Variants in NOVA1 observed in about 807,000 individuals in gnomAD.
NOVA1 encodes the protein RNA-binding protein Nova-1.
A neutral mutation model predicts 38.0 loss-of-function variants in NOVA1; 7 were observed. That is an observed-to-expected ratio of 0.18 (90% CI 0.10 to 0.35). NOVA1 has a LOEUF of 0.35. NOVA1 is among the 10% of genes least tolerant of loss of function. The pLI, the probability that NOVA1 is intolerant of heterozygous loss-of-function variation, is 1.00. For missense variants in NOVA1, 460 were observed against 616.0 expected (o/e 0.75, Z 2.68); for synonymous variants, 270 against 232.5 (o/e 1.16, Z -1.47).
At chr14:26,449,492 T>G (rs1434730329) in intron 4 of NOVA1, among the ~76,000 whole-genome samples, 1 of 152,160 alleles carries the variant, frequency 6.6e-6, no homozygotes, top group African/African-American at 2.4e-5. Flanking sequence ...ATTTTTTTGT[T>G]ATTAAAGATA....
chr14:26,477,055 T>C (rs1227136585), intron 3 of NOVA1, among the ~76,000 whole-genome samples: 2 of 152,240 alleles, frequency 1.3e-5, no homozygotes, highest in Non-Finnish European at 2.9e-5. Flanking sequence ...ACATTGTAGT[T>C]TTGGTATATA....
chr14:26,539,253 G>T (rs1168610678), intron 2 of NOVA1, among the ~76,000 whole-genome samples: 1 of 152,022 alleles, frequency 6.6e-6, no homozygotes, highest in African/African-American at 2.4e-5. Context: ...ATGAATGAAT[G>T]AATGATGAAT....
intron 2 of NOVA1, among the ~76,000 whole-genome samples, chr14:26,591,741 C>CT (rs1677561185): frequency 6.6e-6 from 1 of 151,476 alleles, no homozygotes; most frequent in Non-Finnish European, 1.5e-5. Flanking sequence ...AATGTTGGGT[C>CT]TTTCCTTCCC....
chr14:26,560,520 A>G (rs1891758005), intron 2 of NOVA1, among the ~76,000 whole-genome samples: 1 of 152,128 alleles, frequency 6.6e-6, no homozygotes, highest in Non-Finnish European at 1.5e-5. Flanking sequence ...TCAATATGTG[A>G]TAACTCCCAC....
intron 2 of NOVA1, among the ~76,000 whole-genome samples, chr14:26,509,914 G>A (rs544781673): frequency 6.6e-5 from 10 of 151,944 alleles, no homozygotes; most frequent in African/African-American, 1.7e-4. Context: ...TCCTGACCTC[G>A]GGTGATATGC....
intron 2 of NOVA1, among the ~76,000 whole-genome samples, chr14:26,499,487 A>T (rs1887089894): frequency 6.6e-6 from 1 of 152,164 alleles, no homozygotes; most frequent in African/African-American, 2.4e-5. Context: ...CTTTTATGCT[A>T]TAGGCTACTG....
intron 2 of NOVA1, among the ~76,000 whole-genome samples, chr14:26,539,860 A>G (rs1890343368): frequency 7.2e-6 from 1 of 138,830 alleles, no homozygotes; most frequent in African/African-American, 2.8e-5. Context: ...TATAATAATA[A>G]GAGGCAAAGG....
In NOVA1 at chr14:26,548,687, A is replaced by C. The variant is rs561240033; in HGVS notation, c.280+46723T>G. Among the ~76,000 whole-genome samples the C allele has an allele frequency of 2.5e-3, 382 of 152,292 alleles. 1 individual carries two copies. The highest frequency in any genetic ancestry group is 8.7e-3 in the African/African-American group (361 of 41,578). On this transcript the variant is annotated intron_variant, in intron 2 of 4. Coordinates refer to ENST00000539517, the MANE Select transcript of NOVA1 (RefSeq NM_002515.3). ...TATTACTAAAGACAGCACTCTTATA[A>C]AAGTGCTTTTACAAAAGAAAATCTC...
intron 4 of NOVA1, among the ~76,000 whole-genome samples, chr14:26,462,463 G>T (rs1278720685): frequency 6.6e-6 from 1 of 152,122 alleles, no homozygotes; most frequent in African/African-American, 2.4e-5. Context: ...GAGGCGTCAT[G>T]AAATATTTTA....
intron 2 of NOVA1, among the ~76,000 whole-genome samples, chr14:26,541,169 GA>G (rs767279773): frequency 1.1e-4 from 16 of 152,214 alleles, no homozygotes; most frequent in Admixed American, 2.0e-4. Flanking sequence ...CAGGCATGCT[GA>G]ATCTGTCATA....
intron 4 of NOVA1, among the ~76,000 whole-genome samples, chr14:26,459,561 T>C (rs961181630): frequency 6.6e-6 from 1 of 152,058 alleles, no homozygotes; most frequent in Non-Finnish European, 1.5e-5. Flanking sequence ...AGTTGATAAA[T>C]GACAGAAAAG....
At chr14:26,534,548 T>C (rs1168465459) in intron 2 of NOVA1, among the ~76,000 whole-genome samples, 2 of 151,932 alleles carry the variant, frequency 1.3e-5, no homozygotes, top group East Asian at 3.9e-4. Context: ...GGGTAGAAAA[T>C]GAACTGAAAG....
intron 1 of NOVA1, chr14:26,595,894 T>C (rs1435246733): frequency 7.8e-6 from 3 of 383,772 alleles, no homozygotes; most frequent in African/African-American, 2.1e-5. Flanking sequence ...TGAAATGAAC[T>C]GACCCTTTAA....
intron 2 of NOVA1, among the ~76,000 whole-genome samples, chr14:26,507,412 T>C (rs1328976364): frequency 6.6e-6 from 1 of 152,180 alleles, no homozygotes; most frequent in Non-Finnish European, 1.5e-5. Flanking sequence ...CTACTTTATA[T>C]ATTAATGTGG....
At chr14:26,486,054 T>C (rs1428492758) in intron 2 of NOVA1, among the ~76,000 whole-genome samples, 1 of 152,210 alleles carries the variant, frequency 6.6e-6, no homozygotes, top group Non-Finnish European at 1.5e-5. Flanking sequence ...CTACTTATTA[T>C]GCAGAGAAAT....
chr14:26,467,269 G>A (rs924129981), intron 4 of NOVA1, among the ~76,000 whole-genome samples: 1 of 152,172 alleles, frequency 6.6e-6, no homozygotes, highest in South Asian at 2.1e-4. Flanking sequence ...TGCCAAGGAG[G>A]TGGAAGTGAT....
chr14:26,479,645 TTA>T (rs1172896927), intron 3 of NOVA1: 2 of 294,152 alleles, frequency 6.8e-6, no homozygotes, highest in Non-Finnish European at 1.2e-5. Context: ...ATTGAAATAC[TTA>T]TACTTTATTT....
At chr14:26,467,742 A>C (rs942967202) in intron 4 of NOVA1, among the ~76,000 whole-genome samples, 15 of 152,186 alleles carry the variant, frequency 9.9e-5, no homozygotes, top group African/African-American at 3.6e-4. Context: ...ACCTATAGTA[A>C]TTGATGAGAA....
At chr14:26,531,230 T>C (rs1345387431) in intron 2 of NOVA1, among the ~76,000 whole-genome samples, 1 of 152,196 alleles carries the variant, frequency 6.6e-6, no homozygotes, top group Non-Finnish European at 1.5e-5. Context: ...TTAAGCATAC[T>C]TATTGATCAA....
Sources: gnomAD v4.1 joint callset for allele counts (sites outside exome capture counted in the v4.1 genomes callset) on GRCh38, gnomAD v4.1.1 for gene constraint, MANE v1.5 for transcripts, NCBI Gene and HGNC (gene_info 2026-07-23, HGNC 2026-07-21) for gene names.